Variants in R3HDM1 observed in about 807,000 individuals in gnomAD.
R3HDM1 encodes the protein R3H domain containing 1.
A neutral mutation model predicts 141.1 loss-of-function variants in R3HDM1; 46 were observed. The observed-to-expected ratio is 0.33, with a 90% CI of 0.26 to 0.42. The LOEUF (loss-of-function observed/expected upper bound fraction) is 0.42, where lower values mean the gene tolerates loss of function less well. Ranked by LOEUF, R3HDM1 falls within the 10% of genes least tolerant of loss-of-function variation. The probability of loss-of-function intolerance (pLI) is 1.00; values close to 1 mark genes in which losing one functional copy is unlikely to be tolerated. For synonymous variants in R3HDM1, 435 were observed against 472.9 expected (o/e 0.92, Z 1.04); for missense variants, 1,184 against 1,368.3 (o/e 0.87, Z 2.12).
chr2:135,676,742 C>T (rs1233716039), intron 20 of R3HDM1, among the ~76,000 whole-genome samples: 3 of 152,080 alleles, frequency 2.0e-5, no homozygotes, highest in African/African-American at 7.2e-5. Context: ...ACCCGGGAGG[C>T]GAAGGTTGCA....
intron 21 of R3HDM1, among the ~76,000 whole-genome samples, chr2:135,703,664 T>C (rs1028953256): frequency 3.9e-5 from 6 of 152,166 alleles, no homozygotes; most frequent in African/African-American, 1.2e-4. Flanking sequence ...AGATGAGCTA[T>C]AAATTAATGC....
intron 19 of R3HDM1, among the ~76,000 whole-genome samples, chr2:135,662,111 A>G (rs2066805644): frequency 1.3e-5 from 2 of 152,284 alleles, no homozygotes; most frequent in East Asian, 3.9e-4. Flanking sequence ...TACTTCCCAG[A>G]TGTTTAATAA....
rs910803973 is a variant in R3HDM1, at chr2:135,558,937, T to C, written c.-250+27304T>C. On this transcript the variant is annotated intron_variant, in intron 1 of 26. Coordinates refer to ENST00000683871, the MANE Select transcript of R3HDM1 (RefSeq NM_001378107.1). ...GGGTTTTCTTCTCTGAAAGTCAAAA[T>C]GTAATTTAAAAAGTTTAAAGGGTTA... 4.7e-6 allele frequency: 4 copies of C among 852,356 alleles called. No individual in the cohort carries two copies. In the East Asian group the frequency reaches 4.9e-4, roughly 105 times the overall value. The allele number at this position is 852,356 out of a possible 1,614,324, so 52.8% of individuals were successfully genotyped here. A position where few individuals can be genotyped will look rare whatever the true frequency, so the allele number is the denominator to read the frequency against.
chr2:135,634,289 A>C (rs2063034362), intron 9 of R3HDM1, among the ~76,000 whole-genome samples: 1 of 152,108 alleles, frequency 6.6e-6, no homozygotes, highest in Non-Finnish European at 1.5e-5. Context: ...ATTTGACAGG[A>C]GGCTTTTACG....
chr2:135,645,103 T>G, intron 15 of R3HDM1: 1 of 200,182 alleles, frequency 5.0e-6, no homozygotes, highest in South Asian at 1.7e-4. Context: ...ATTAATTAAT[T>G]AATTAAATTA....
chr2:135,550,016 T>C, intron 1 of R3HDM1: 1 of 975,798 alleles, frequency 1.0e-6, no homozygotes, highest in Non-Finnish European at 1.2e-6. Context: ...TTTCATAGCT[T>C]TTGGAATGGC....
intron 24 of R3HDM1, among the ~76,000 whole-genome samples, chr2:135,716,584 A>G (rs2076171862): frequency 1.3e-5 from 2 of 152,238 alleles, no homozygotes; most frequent in African/African-American, 4.8e-5. Flanking sequence ...AACTCTGTAC[A>G]TCAATGAGGA....
At chr2:135,536,431 G>C (rs1050242721) in intron 1 of R3HDM1, 1 of 585,488 alleles carries the variant, frequency 1.7e-6, no homozygotes, top group African/African-American at 2.0e-5. Context: ...ACAGGCATAA[G>C]CCACTGCACC....
chr2:135,566,720 C>T (rs909319912), intron 1 of R3HDM1: 1 of 984,886 alleles, frequency 1.0e-6, no homozygotes, highest in Non-Finnish European at 1.2e-6. Flanking sequence ...GTTTGTTAGT[C>T]GTTTGGATGG....
At chr2:135,543,720 T>A (rs1344034591) in intron 1 of R3HDM1, among the ~76,000 whole-genome samples, 1 of 152,268 alleles carries the variant, frequency 6.6e-6, no homozygotes, top group East Asian at 1.9e-4. Flanking sequence ...CAAATTTCCT[T>A]AATGTCTGGC....
At chr2:135,702,182 A>C (rs1433526681) in intron 21 of R3HDM1, among the ~76,000 whole-genome samples, 1 of 136,722 alleles carries the variant, frequency 7.3e-6, no homozygotes, top group Non-Finnish European at 1.5e-5. Context: ...ACTGCACTCC[A>C]CCCTGGGCGA....
chr2:135,670,583 G>T (rs2068190835), intron 19 of R3HDM1: 3 of 220,360 alleles, frequency 1.4e-5, no homozygotes, highest in Admixed American at 6.5e-5. Flanking sequence ...GAATATATAT[G>T]TTGCCCTCTG....
intron 14 of R3HDM1, among the ~76,000 whole-genome samples, chr2:135,640,261 C>A (rs1286830002): frequency 6.6e-6 from 1 of 152,136 alleles, no homozygotes; most frequent in Non-Finnish European, 1.5e-5. Context: ...CAGTTGTCAT[C>A]TTTTTAATGT....
At chr2:135,559,200 C>T (rs1302034294) in intron 1 of R3HDM1, 14 of 274,488 alleles carry the variant, frequency 5.1e-5, no homozygotes, top group Non-Finnish European at 7.8e-5. Context: ...CAGTCTCGAC[C>T]TTCTGGGCTC....
chr2:135,695,663 C>T (rs2073133483), intron 21 of R3HDM1, among the ~76,000 whole-genome samples: 1 of 143,490 alleles, frequency 7.0e-6, no homozygotes, highest in South Asian at 2.2e-4. Flanking sequence ...GAATGTCAGC[C>T]GACTTAGAAG....
chr2:135,576,895 T>A, intron 1 of R3HDM1: 1 of 196,206 alleles, frequency 5.1e-6, no homozygotes, highest in Non-Finnish European at 9.2e-6. Context: ...AGTAGTTTCT[T>A]GTTGGAATAA....
intron 1 of R3HDM1, chr2:135,586,232 C>T (rs1707877687): frequency 6.6e-6 from 1 of 152,312 alleles, no homozygotes; most frequent in Non-Finnish European, 1.5e-5. Context: ...TAATGAAGAG[C>T]TCAATATAGC....
At chr2:135,571,086 C>T (rs546387310) in intron 1 of R3HDM1, among the ~76,000 whole-genome samples, 11 of 151,942 alleles carry the variant, frequency 7.2e-5, no homozygotes, top group Admixed American at 2.0e-4. Context: ...CCTGGAGTTG[C>T]GACATATTTT....
chr2:135,661,592 A>G (rs1055512373), intron 19 of R3HDM1, among the ~76,000 whole-genome samples, 199 bp downstream of exon 19: 4 of 152,246 alleles, frequency 2.6e-5, no homozygotes, highest in African/African-American at 7.2e-5. Context: ...TCACGTCTAC[A>G]TGCTAAAGGG....
Sources: gnomAD v4.1 joint callset for allele counts (sites outside exome capture counted in the v4.1 genomes callset) on GRCh38, gnomAD v4.1.1 for gene constraint, MANE v1.5 for transcripts, NCBI Gene and HGNC (gene_info 2026-07-23, HGNC 2026-07-21) for gene names.